Variants in MALRD1 observed in about 807,000 individuals in gnomAD.
The protein encoded by MALRD1 is MAM and LDL receptor class A domain containing 1, also known as MAM and LDL-receptor class A domain-containing protein 1.
A neutral mutation model predicts 242.1 loss-of-function variants in MALRD1; 247 were observed. The observed-to-expected ratio is 1.02, with a 90% CI of 0.92 to 1.13. The LOEUF is 1.13. Ranked by LOEUF, MALRD1 falls within the 50% of genes most tolerant of loss-of-function variation. The probability of loss-of-function intolerance (pLI) is 0.00; values close to 1 mark genes in which losing one functional copy is unlikely to be tolerated. For missense variants in MALRD1, 2,989 were observed against 2,533.1 expected (o/e 1.18, Z -3.86); for synonymous variants, 995 against 866.6 (o/e 1.15, Z -2.60).
chr10:19,300,221 G>T (rs1324324975), intron 21 of MALRD1, among the ~76,000 whole-genome samples: 1 of 151,804 alleles, frequency 6.6e-6, no homozygotes, highest in Non-Finnish European at 1.5e-5. Context: ...AAACAGAGAT[G>T]ACACAAGCAA....
chr10:19,360,858 T>C (rs1280564029), intron 26 of MALRD1, among the ~76,000 whole-genome samples: 1 of 152,142 alleles, frequency 6.6e-6, no homozygotes, highest in Non-Finnish European at 1.5e-5. Context: ...GCAATATTTG[T>C]TCATAGTAGC....
intron 15 of MALRD1, 99 bp from the exon 16 acceptor site, chr10:19,204,209 A>C: frequency 1.3e-6 from 1 of 777,432 alleles, no homozygotes. Context: ...AATTTCAGTT[A>C]GACAATGATC....
chr10:19,128,228 T>C lies in MALRD1; in HGVS notation c.951T>C (p.Tyr317=). The change falls in exon 8 of 40, where the codon TAT becomes TAC. Residue 317 remains tyrosine (Y), a synonymous_variant. Transcript: ENST00000454679. ...QDQGGDDEGY[Y]VWVGAKHGFT... is the part of the protein sequence containing the mutation. The stretch of plus-strand genomic sequence containing the variant: ...TTTTCTTTTATCTTTCAGGTTATTA[T>C]GTATGGGTAGGCGCTAAGCATGGTT... 8.1e-7 allele frequency: 1 copy of C among 1,233,436 alleles called. No individual in the cohort carries two copies. The highest frequency in any genetic ancestry group is 1.0e-6 in the Non-Finnish European group (1 of 987,766). The allele number at this position is 1,233,436 out of a possible 1,614,324, so 76.4% of individuals were successfully genotyped here.
chr10:19,374,456 A>C (rs1036577024), intron 26 of MALRD1, among the ~76,000 whole-genome samples: 1 of 152,244 alleles, frequency 6.6e-6, no homozygotes, highest in Non-Finnish European at 1.5e-5. Flanking sequence ...TCTGCAAGCT[A>C]TAACAAACCT....
chr10:19,482,894 A>C (rs1460752857), intron 29 of MALRD1, among the ~76,000 whole-genome samples: 1 of 152,162 alleles, frequency 6.6e-6, no homozygotes, highest in Non-Finnish European at 1.5e-5. Context: ...ATTCAATGCT[A>C]TTCCTATCAA....
At position 19,099,749 on chromosome 10, in the gene MALRD1, C is replaced by A. The variant is rs1287851865; in HGVS notation, c.598-4230C>A. Among the ~76,000 whole-genome samples the A allele has an allele frequency of 1.0e-4, 11 of 107,748 alleles. No homozygotes were observed. In the South Asian group the frequency reaches 3.3e-3, roughly 32 times the overall value. The allele number at this position is 107,748 out of a possible 152,430, so 70.7% of individuals were successfully genotyped here. The stretch of plus-strand genomic sequence containing the variant: ...CTCTGACCAGGACCCTCCATAGAAC[C>A]TATATATATATATATTTTTTTTAAT... On this transcript the variant is annotated intron_variant, in intron 4 of 39. Transcript: ENST00000454679.
At chr10:19,113,868 T>C (rs912779746) in intron 5 of MALRD1, among the ~76,000 whole-genome samples, 10 of 151,400 alleles carry the variant, frequency 6.6e-5, no homozygotes, top group Non-Finnish European at 1.3e-4. Context: ...TTGATTTATC[T>C]CCATGACTAA....
At chr10:19,194,368 T>TG (rs1836136006) in intron 14 of MALRD1, among the ~76,000 whole-genome samples, 1 of 152,186 alleles carries the variant, frequency 6.6e-6, no homozygotes, top group Non-Finnish European at 1.5e-5. Flanking sequence ...ACTCTCGAGT[T>TG]ACAAGAGTTC....
At chr10:19,630,334 A>G (rs2131645125) in intron 36 of MALRD1, among the ~76,000 whole-genome samples, 1 of 152,282 alleles carries the variant, frequency 6.6e-6, no homozygotes, top group South Asian at 2.1e-4. Context: ...GGCATCCAGA[A>G]TGAAAACATA....
At chr10:19,217,008 G>A (rs879587139) in intron 18 of MALRD1, among the ~76,000 whole-genome samples, 11 of 151,926 alleles carry the variant, frequency 7.2e-5, no homozygotes, top group Non-Finnish European at 1.0e-4. Flanking sequence ...CCAAACCAAT[G>A]GCTCTTATAT....
At chr10:19,247,660 T>TA (rs1443191811) in intron 18 of MALRD1, among the ~76,000 whole-genome samples, 1 of 151,744 alleles carries the variant, frequency 6.6e-6, no homozygotes, top group East Asian at 1.9e-4. Context: ...ATGTAAATAA[T>TA]AAAAAAGATA....
At chr10:19,698,705 A>G (rs148970703) in intron 38 of MALRD1, among the ~76,000 whole-genome samples, 28 of 152,316 alleles carry the variant, frequency 1.8e-4, no homozygotes, top group African/African-American at 6.3e-4. Flanking sequence ...AAAATCTACA[A>G]AAATCTCCCC....
At chr10:19,450,692 A>G (rs192997141) in intron 29 of MALRD1, among the ~76,000 whole-genome samples, 24 of 152,360 alleles carry the variant, frequency 1.6e-4, no homozygotes, top group Admixed American at 7.8e-4. Context: ...CTGCTGTTAC[A>G]AAATGCCATA....
intron 36 of MALRD1, among the ~76,000 whole-genome samples, chr10:19,617,280 A>T (rs947999955): frequency 2.6e-5 from 4 of 152,066 alleles, no homozygotes; most frequent in Non-Finnish European, 4.4e-5. Context: ...CTCTAAGGTG[A>T]GGGAGATGAG....
intron 28 of MALRD1, among the ~76,000 whole-genome samples, chr10:19,422,477 T>G (rs1833750712): frequency 6.6e-6 from 1 of 152,082 alleles, no homozygotes; most frequent in Non-Finnish European, 1.5e-5. Context: ...AGACAAAATG[T>G]AAGAGAGGAT....
chr10:19,453,107 A>T (rs945196889), intron 29 of MALRD1, among the ~76,000 whole-genome samples: 3 of 152,220 alleles, frequency 2.0e-5, no homozygotes, highest in Admixed American at 1.3e-4. Context: ...CCATATTCTC[A>T]AATGATGCTT....
At chr10:19,246,672 A>G (rs1355275897) in intron 18 of MALRD1, among the ~76,000 whole-genome samples, 4 of 152,210 alleles carry the variant, frequency 2.6e-5, no homozygotes, top group African/African-American at 9.6e-5. Context: ...TTGCTTGAAT[A>G]TTTACCCCAG....
At chr10:19,516,125 T>G (rs1564406166) in intron 31 of MALRD1, among the ~76,000 whole-genome samples, 1 of 152,220 alleles carries the variant, frequency 6.6e-6, no homozygotes, top group South Asian at 2.1e-4. Context: ...ATCTGAATTA[T>G]GTCTAATGTT....
chr10:19,059,272 A>G (rs1398432540), intron 1 of MALRD1, among the ~76,000 whole-genome samples: 2 of 151,882 alleles, frequency 1.3e-5, no homozygotes, highest in African/African-American at 4.9e-5. Flanking sequence ...ATAGTATGGC[A>G]CTGCACATAA....
Sources: allele counts gnomAD v4.1 joint callset (sites outside exome capture counted in the v4.1 genomes callset), GRCh38; gene constraint gnomAD v4.1.1; transcripts MANE v1.5; gene names NCBI Gene and HGNC (gene_info 2026-07-23, HGNC 2026-07-21).